The following ADAM22 variants were observed in gnomAD, a reference collection of about 807,000 sequenced individuals.
ADAM22 encodes ADAM metallopeptidase domain 22.
Under a neutral mutation model 144.6 loss-of-function variants are expected in ADAM22, and 65 were observed. That is an observed-to-expected ratio of 0.45 (90% CI 0.37 to 0.55). The LOEUF (loss-of-function observed/expected upper bound fraction) is 0.55. Among genes scored for constraint, ADAM22 ranks in the 20% least tolerant of loss-of-function variants. The pLI, the probability that ADAM22 is intolerant of heterozygous loss-of-function variation, is 0.00. For synonymous variants in ADAM22, 391 were observed against 412.6 expected (o/e 0.95, Z 0.63); for missense variants, 974 against 1,184.9 (o/e 0.82, Z 2.61).
At chr7:87,983,873 C>T (rs1372821676) in intron 3 of ADAM22, among the ~76,000 whole-genome samples, 1 of 152,104 alleles carries the variant, frequency 6.6e-6, no homozygotes, top group Non-Finnish European at 1.5e-5. Context: ...TCAGTTAAAG[C>T]TTCCAGGACT....
intron 4 of ADAM22, among the ~76,000 whole-genome samples, chr7:88,100,511 A>T (rs1026962625): frequency 8.5e-5 from 13 of 152,190 alleles, no homozygotes; most frequent in African/African-American, 3.1e-4. Flanking sequence ...CTGACCAGAT[A>T]TTTAGCCTAT....
intron 3 of ADAM22, among the ~76,000 whole-genome samples, chr7:87,997,942 C>T (rs1778800887): frequency 6.6e-6 from 1 of 152,206 alleles, no homozygotes; most frequent in Admixed American, 6.5e-5. Flanking sequence ...GAAGCCAGTG[C>T]CAGTCCCAAA....
chr7:88,099,107 A>T (rs1822224946), intron 4 of ADAM22, among the ~76,000 whole-genome samples: 1 of 152,220 alleles, frequency 6.6e-6, no homozygotes, highest in Non-Finnish European at 1.5e-5. Flanking sequence ...TTTGTCTTGC[A>T]GGAAAATGGA....
chr7:88,050,267 C>T (rs915723928), intron 3 of ADAM22, among the ~76,000 whole-genome samples: 1 of 149,550 alleles, frequency 6.7e-6, no homozygotes, highest in African/African-American at 2.5e-5. Context: ...AAGGTGCATG[C>T]CTGTAGTCCC....
chr7:87,986,597 C>T (rs936813959), intron 3 of ADAM22, among the ~76,000 whole-genome samples: 2 of 152,148 alleles, frequency 1.3e-5, no homozygotes, highest in Non-Finnish European at 1.5e-5. Context: ...CTGTGCTAGG[C>T]TTGAGTTAGC....
At position 87,993,082 on chromosome 7, in the gene ADAM22, A is replaced by T. The variant is rs567752792; in HGVS notation, c.323+14670A>T. On this transcript the variant is annotated intron_variant, in intron 3 of 31. Coordinates refer to ENST00000413139, the MANE Select transcript of ADAM22 (RefSeq NM_001324418.2). ...CAAGGAATCTATTGGCTAGTGGCGT[A>T]TGGGGTGGATATTGGAGAGATAGCT... Among the ~76,000 whole-genome samples the T allele has an allele frequency of 1.1e-4, 16 of 152,332 alleles. 1 individual carries two copies. In the South Asian group the frequency reaches 3.1e-3, roughly 30 times the overall value.
At chr7:88,075,782 T>G in intron 4 of ADAM22, 90 bp downstream of exon 4, 2 of 1,007,160 alleles carry the variant, frequency 2.0e-6, no homozygotes, top group Admixed American at 4.2e-5. Context: ...ATATTTCTAA[T>G]GTACAGTTTT....
chr7:88,139,418 C>CTAAATAAATAAA (rs35764191), intron 14 of ADAM22, among the ~76,000 whole-genome samples: 14 of 146,158 alleles, frequency 9.6e-5, no homozygotes, highest in East Asian at 4.0e-4. Context: ...GACTCCATCT[C>CTAAATAAATAAA]TAAATAAATA....
chr7:88,123,857 T>A (rs1006911473), intron 7 of ADAM22, among the ~76,000 whole-genome samples: 1 of 152,006 alleles, frequency 6.6e-6, no homozygotes. Context: ...TGATTTCTTC[T>A]TTGTCCCATG....
Position 88,143,136 on chromosome 7 carries a change from T to A in ADAM22, c.1320+11T>A. On this transcript the variant is annotated intron_variant, in intron 15 of 31. Coordinates refer to ENST00000413139, the MANE Select transcript of ADAM22 (RefSeq NM_001324418.2). ...AACAAACCTTCTAAGGTAATAAGTG[T>A]GGTTAATAAGGTTTATAATATTAAT... The A allele has an allele frequency of 1.3e-6, 2 of 1,534,966 alleles. No individual in the cohort carries two copies. The highest frequency in any genetic ancestry group is 1.8e-6 in the Non-Finnish European group (2 of 1,111,846).
rs368098062 is a variant in ADAM22 at position 87,938,908 on chromosome 7, C to CA, written c.246+3725dup. On this transcript the variant is annotated intron_variant, in intron 2 of 31. Coordinates refer to ENST00000413139, the MANE Select transcript of ADAM22 (RefSeq NM_001324418.2). ...TTGTGATCCGCCCACCTTGGCATCCCAAAGTGCTGGGATTACAGGCGTGAA... is the reference window on the plus strand; with the variant it reads ...TTGTGATCCGCCCACCTTGGCATCCCAAAAGTGCTGGGATTACAGGCGTGAA... Among the ~76,000 whole-genome samples the CA allele has an allele frequency of 3.3e-5, 5 of 152,324 alleles. No homozygotes were observed. The East Asian group carries it at 9.7e-4, about 29-fold the overall frequency.
chr7:88,052,223 C>T (rs1188397176), intron 3 of ADAM22, among the ~76,000 whole-genome samples: 2 of 151,628 alleles, frequency 1.3e-5, no homozygotes, highest in African/African-American at 2.4e-5. Context: ...CCCGGCCGGA[C>T]GCGGTGGCTC....
chr7:88,074,782 G>C (rs1813770000), intron 3 of ADAM22, among the ~76,000 whole-genome samples: 1 of 152,154 alleles, frequency 6.6e-6, no homozygotes, highest in East Asian at 1.9e-4. Flanking sequence ...TGTAGGCATG[G>C]TGCTTATCAT....
In ADAM22 at chr7:88,163,088, A is replaced by G; in HGVS notation, c.1984A>G (p.Met662Val). 6.2e-7 allele frequency: 1 copy of G among 1,612,280 alleles called. No homozygotes were observed. The highest frequency in any genetic ancestry group is 1.1e-5 in the South Asian group (1 of 90,868). The change falls in exon 23 of 32, where the codon ATG (methionine) becomes GTG (valine). Residue 662 changes from methionine to valine, a missense_variant. This residue lies in a region of ADAM22 where 734 missense variants were observed against 950.6 expected (regional missense o/e 0.77). Transcript: ENST00000413139. ...EDGTPCGPQM[M>V]CLEHRCLPVA... Reference sequence around the variant, plus strand: ...TGGGACACCTTGTGGTCCCCAAATGATGTGCTTAGAACACAGGTGTCTTCC... The same window carrying G: ...TGGGACACCTTGTGGTCCCCAAATGGTGTGCTTAGAACACAGGTGTCTTCC...
chr7:88,150,838 C>T, intron 18 of ADAM22, 143 bp from the exon 19 acceptor site: 1 of 583,900 alleles, frequency 1.7e-6, no homozygotes. Context: ...TTGCTCTTGA[C>T]CTCCTTTGCA....
In ADAM22 at chr7:88,200,170, T is replaced by C. The variant is rs1851083774; in HGVS notation, c.*3679T>C. ...TATTTTTATTCACTTTTTTCAGTGT[T>C]TTAAAATAAGGTTTGTTCATTTATT... On this transcript the variant is annotated 3_prime_UTR_variant, in exon 32 of 32. Coordinates refer to ENST00000413139, the MANE Select transcript of ADAM22 (RefSeq NM_001324418.2). The C allele has an allele frequency of 6.6e-6, 1 of 152,236 alleles. No individual in the cohort carries two copies. The highest frequency in any genetic ancestry group is 2.4e-5 in the African/African-American group (1 of 41,476). 9.4% of individuals were successfully genotyped at this position (152,236 alleles called of 1,614,324 possible).
chr7:87,984,086 A>G (rs934044328), intron 3 of ADAM22, among the ~76,000 whole-genome samples: 6 of 152,192 alleles, frequency 3.9e-5, no homozygotes, highest in Admixed American at 3.9e-4. Flanking sequence ...GGTTGTGACT[A>G]TAAAGTAGAA....
At chr7:88,195,495 G>A (rs533143439) in intron 31 of ADAM22, among the ~76,000 whole-genome samples, 1 of 152,142 alleles carries the variant, frequency 6.6e-6, no homozygotes, top group East Asian at 1.9e-4. Flanking sequence ...GCTTGTGAGA[G>A]AGAACCTTTT....
intron 10 of ADAM22, 47 bp from the exon 11 acceptor site, chr7:88,131,222 A>G (rs773911547): frequency 2.0e-6 from 3 of 1,534,714 alleles, no homozygotes; most frequent in Non-Finnish European, 2.7e-6. Flanking sequence ...AAACTATTTG[A>G]TTTTACCACA....
Sources: allele counts gnomAD v4.1 joint callset (sites outside exome capture counted in the v4.1 genomes callset), GRCh38; gene constraint gnomAD v4.1.1; regional missense constraint gnomAD v4.1.1; transcripts MANE v1.5; gene names NCBI Gene and HGNC (gene_info 2026-07-23, HGNC 2026-07-21).